Variants in CNOT4 observed in about 807,000 individuals in gnomAD.
CNOT4 encodes the protein CCR4-NOT transcription complex subunit 4.
Under a neutral mutation model 73.8 loss-of-function variants are expected in CNOT4, and 8 were observed. That is an observed-to-expected ratio of 0.11 (90% CI 0.06 to 0.20). CNOT4 has a LOEUF of 0.20. CNOT4 is among the 10% of genes least tolerant of loss of function. The pLI is 1.00. For synonymous variants in CNOT4, 293 were observed against 321.1 expected (o/e 0.91, Z 0.94); for missense variants, 564 against 883.4 (o/e 0.64, Z 4.58).
At chr7:135,393,877 T>G in intron 10 of CNOT4, 41 bp downstream of exon 10, 3 of 1,440,708 alleles carry the variant, frequency 2.1e-6, no homozygotes, top group Non-Finnish European at 1.9e-6. Flanking sequence ...CCTGAAAATA[T>G]GAGTTATTCA....
intron 2 of CNOT4, among the ~76,000 whole-genome samples, chr7:135,424,361 A>G (rs571712747): frequency 2.5e-3 from 375 of 152,338 alleles, no homozygotes; most frequent in African/African-American, 8.6e-3. Context: ...AAAAAGATAT[A>G]AAAGTGAACT....
intron 10 of CNOT4, chr7:135,387,542 T>G: frequency 2.1e-6 from 2 of 967,932 alleles, no homozygotes; most frequent in Non-Finnish European, 2.5e-6. Flanking sequence ...ATTCACATTA[T>G]CCCCTTTCAT....
chr7:135,448,004 C>G (rs1430300715), intron 1 of CNOT4, among the ~76,000 whole-genome samples: 1 of 152,076 alleles, frequency 6.6e-6, no homozygotes, highest in East Asian at 1.9e-4. Flanking sequence ...ACTGTCAGCC[C>G]AACACTGCCA....
chr7:135,464,004 G>A (rs1346938727), intron 1 of CNOT4, among the ~76,000 whole-genome samples: 1 of 117,334 alleles, frequency 8.5e-6, no homozygotes, highest in Admixed American at 9.8e-5. Flanking sequence ...CACCAATCAG[G>A]ATGGCTATTA....
At chr7:135,456,557 G>A (rs1233333262) in intron 1 of CNOT4, among the ~76,000 whole-genome samples, 1 of 151,918 alleles carries the variant, frequency 6.6e-6, no homozygotes, top group Non-Finnish European at 1.5e-5. Flanking sequence ...CTTGTTCCAG[G>A]ACCTCCCCAC....
In CNOT4 at chr7:135,510,083, C is replaced by T. The variant is rs1804658378; in HGVS notation, c.-287G>A. 5.0e-6 allele frequency: 2 copies of T among 399,014 alleles called. No homozygotes were observed. Among genetic ancestry groups the T allele is most frequent in the Admixed American group, 4.4e-5 (1 of 22,720 alleles). The allele number at this position is 399,014 out of a possible 1,614,324, so 24.7% of individuals were successfully genotyped here. A position where few individuals can be genotyped will look rare whatever the true frequency, so the allele number is the denominator to read the frequency against. On this transcript the variant is annotated 5_prime_UTR_variant, in exon 1 of 12. An upstream start codon of the reference 5' UTR is lost. Transcript: ENST00000541284. ...CACAGCCAGACGGGCCACCATCTTA[C>T]ATTAGGGTAAGACTCCTCCGGCCTC... is the stretch of plus-strand genomic sequence containing the variant.
chr7:135,445,750 A>G (rs1799785952), intron 1 of CNOT4, among the ~76,000 whole-genome samples: 1 of 152,240 alleles, frequency 6.6e-6, no homozygotes, highest in Non-Finnish European at 1.5e-5. Flanking sequence ...ATAAAAAAAG[A>G]CTATATTCAG....
At chr7:135,463,644 C>T (rs568136438) in intron 1 of CNOT4, among the ~76,000 whole-genome samples, 1 of 150,288 alleles carries the variant, frequency 6.7e-6, no homozygotes, top group East Asian at 2.0e-4. Flanking sequence ...ATGACAAAGA[C>T]ACCAAAAGCA....
chr7:135,413,019 T>A (rs1204320963), intron 6 of CNOT4, among the ~76,000 whole-genome samples: 1 of 152,050 alleles, frequency 6.6e-6, no homozygotes, highest in African/African-American at 2.4e-5. Context: ...AAAATAATAT[T>A]AGTTTATCAG....
intron 1 of CNOT4, among the ~76,000 whole-genome samples, chr7:135,491,800 G>A (rs534898254): frequency 2.1e-4 from 32 of 152,290 alleles, no homozygotes; most frequent in African/African-American, 7.5e-4. Context: ...ACAGAGAGAA[G>A]GGAGAATGGC....
At chr7:135,472,740 T>C (rs1173238811) in intron 1 of CNOT4, among the ~76,000 whole-genome samples, 1 of 151,338 alleles carries the variant, frequency 6.6e-6, no homozygotes, top group Non-Finnish European at 1.5e-5. Flanking sequence ...AATAAATCTT[T>C]TAAAAGATGC....
intron 1 of CNOT4, among the ~76,000 whole-genome samples, chr7:135,503,674 A>T (rs1183094126): frequency 2.0e-5 from 3 of 152,214 alleles, no homozygotes; most frequent in Non-Finnish European, 2.9e-5. Context: ...CCCAAGGAAG[A>T]CATAGGTCCC....
At chr7:135,377,370 G>T (rs1465489474) in intron 10 of CNOT4, among the ~76,000 whole-genome samples, 1 of 152,116 alleles carries the variant, frequency 6.6e-6, no homozygotes, top group Non-Finnish European at 1.5e-5. Flanking sequence ...CTGGTTGGGG[G>T]TGCTGATAAT....
At chr7:135,444,534 C>T (rs1224592624) in intron 1 of CNOT4, 4 of 1,216,906 alleles carry the variant, frequency 3.3e-6, no homozygotes, top group Non-Finnish European at 4.9e-6. Context: ...AGTGGTCAGA[C>T]CTGCTTATAT....
chr7:135,377,719 T>C (rs1795598012), intron 10 of CNOT4, among the ~76,000 whole-genome samples: 1 of 152,162 alleles, frequency 6.6e-6, no homozygotes, highest in Non-Finnish European at 1.5e-5. Context: ...GGGGCCGTAG[T>C]TTAAAAATCA....
At chr7:135,486,359 C>T (rs573314274) in intron 1 of CNOT4, among the ~76,000 whole-genome samples, 40 of 152,250 alleles carry the variant, frequency 2.6e-4, no homozygotes, top group African/African-American at 9.6e-4. Flanking sequence ...AATAAAATAT[C>T]ACTACGGATC....
In CNOT4 at chr7:135,398,153, T is replaced by C; in HGVS notation, c.879+16A>G. 1.4e-6 allele frequency: 2 copies of C among 1,397,868 alleles called. No homozygotes were observed. Among genetic ancestry groups the C allele is most frequent in the Non-Finnish European group, 1.0e-6 (1 of 984,756 alleles). The allele number at this position is 1,397,868 out of a possible 1,614,324, so 86.6% of individuals were successfully genotyped here. A position where few individuals can be genotyped will look rare whatever the true frequency, so the allele number is the denominator to read the frequency against. On this transcript the variant is annotated intron_variant, in intron 8 of 11. Coordinates refer to ENST00000541284, the MANE Select transcript of CNOT4 (RefSeq NM_001190850.2). Reference sequence around the variant, plus strand: ...GTATGGCAAATAAATCAAGTGATACTGTATTCAAATCTTACCTGCTGGGAA... The same window carrying C: ...GTATGGCAAATAAATCAAGTGATACCGTATTCAAATCTTACCTGCTGGGAA...
At chr7:135,509,775 G>C (rs1265086540) in intron 1 of CNOT4, 114 bp downstream of exon 1, 1 of 349,230 alleles carries the variant, frequency 2.9e-6, no homozygotes, top group East Asian at 4.3e-5. Context: ...GTGAAGATGA[G>C]GCGGGGGGTG....
At chr7:135,455,393 T>C (rs1436188818) in intron 1 of CNOT4, among the ~76,000 whole-genome samples, 5 of 152,050 alleles carry the variant, frequency 3.3e-5, no homozygotes, top group Non-Finnish European at 7.4e-5. Flanking sequence ...TCAATACATA[T>C]ATGGGTGCTA....
Sources: allele counts gnomAD v4.1 joint callset (sites outside exome capture counted in the v4.1 genomes callset), GRCh38; gene constraint gnomAD v4.1.1; transcripts MANE v1.5; gene names NCBI Gene and HGNC (gene_info 2026-07-23, HGNC 2026-07-21).